The following CAPSL variants were observed in gnomAD, a reference collection of about 807,000 sequenced individuals.
The protein encoded by CAPSL is calcyphosine like, also known as calcyphosin-like protein.
CAPSL carries 17 observed loss-of-function variants against 21.3 expected under a neutral mutation model. The observed-to-expected ratio is 0.80, with a 90% CI of 0.55 to 1.20. The LOEUF (loss-of-function observed/expected upper bound fraction) is 1.20, where lower values mean the gene tolerates loss of function less well. Ranked by LOEUF, CAPSL falls within the 50% of genes most tolerant of loss-of-function variation. The pLI, the probability that CAPSL is intolerant of heterozygous loss-of-function variation, is 0.00. For missense variants in CAPSL, 289 were observed against 259.3 expected (o/e 1.11, Z -0.79); for synonymous variants, 102 against 89.3 (o/e 1.14, Z -0.80).
At chr5:35,905,918 T>A (rs1177425562) in intron 4 of CAPSL, among the ~76,000 whole-genome samples, 1 of 152,192 alleles carries the variant, frequency 6.6e-6, no homozygotes, top group African/African-American at 2.4e-5. Flanking sequence ...GGAATTTACT[T>A]CTTAAAAATC....
At chr5:35,926,745 G>C (rs1025450100) in intron 1 of CAPSL, among the ~76,000 whole-genome samples, 2 of 152,146 alleles carry the variant, frequency 1.3e-5, no homozygotes, top group African/African-American at 4.8e-5. Context: ...TTGCTAAAGA[G>C]GCAACCCTAG....
chr5:35,936,637 C>T (rs1208472731), intron 1 of CAPSL, among the ~76,000 whole-genome samples: 1 of 152,150 alleles, frequency 6.6e-6, no homozygotes, highest in African/African-American at 2.4e-5. Context: ...CCCTTTCTCT[C>T]AATGGCTATA....
At chr5:35,910,169 T>C (rs946057717) in intron 3 of CAPSL, 94 bp from the exon 4 acceptor site, 18 of 1,181,362 alleles carry the variant, frequency 1.5e-5, no homozygotes, top group Admixed American at 2.5e-5. Flanking sequence ...CCCTCAACGA[T>C]GTGAAATAAT....
intron 1 of CAPSL, among the ~76,000 whole-genome samples, chr5:35,929,899 A>G (rs1401204387): frequency 1.3e-5 from 2 of 152,126 alleles, no homozygotes; most frequent in Non-Finnish European, 2.9e-5. Flanking sequence ...GAAAAATTTT[A>G]CTTAGCCTCT....
At chr5:35,920,631 T>A (rs1450147018) in intron 2 of CAPSL, among the ~76,000 whole-genome samples, 2 of 152,300 alleles carry the variant, frequency 1.3e-5, no homozygotes, top group Middle Eastern at 3.4e-3. Context: ...TGGCTGTTCC[T>A]TCCTCCCTCT....
chr5:35,937,837 C>CA (rs11369328), intron 1 of CAPSL, among the ~76,000 whole-genome samples: 110,100 of 146,472 alleles, frequency 0.75, 41,537 homozygotes, highest in African/African-American at 0.82. Context: ...AAAAATAAGT[C>CA]AAAAAAAAAA....
At chr5:35,911,808 G>A (rs1326944055) in intron 2 of CAPSL, among the ~76,000 whole-genome samples, 2 of 152,204 alleles carry the variant, frequency 1.3e-5, no homozygotes, top group African/African-American at 2.4e-5. Flanking sequence ...CGATGCAGAA[G>A]ACAGGTGATT....
intron 2 of CAPSL, among the ~76,000 whole-genome samples, chr5:35,916,281 A>G (rs1308762377): frequency 6.6e-6 from 1 of 152,070 alleles, no homozygotes; most frequent in Non-Finnish European, 1.5e-5. Flanking sequence ...GAAAATGGCC[A>G]TACTGCCCAA....
chr5:35,917,475 AACAATGATAG>A (rs1164905693), intron 2 of CAPSL, among the ~76,000 whole-genome samples: 2 of 152,236 alleles, frequency 1.3e-5, no homozygotes, highest in Non-Finnish European at 2.9e-5. Flanking sequence ...CCAAATGTCC[AACAATGATAG>A]ACTGGATTAA....
Position 35,933,462 on chromosome 5 carries a change from A to C in CAPSL, c.-1+5079T>G, listed in dbSNP as rs1301351922. 2.6e-5 allele frequency among the ~76,000 whole-genome samples: 4 copies of C among 152,318 alleles called. No homozygotes were observed. In the South Asian group the frequency reaches 8.3e-4, roughly 32 times the overall value. The stretch of plus-strand genomic sequence containing the variant: ...GGCCTGTTGCATCTGCCAGTCCCCC[A>C]GCAGCCTTTTGTAAATTATCCACAA... On this transcript the variant is annotated intron_variant, in intron 1 of 4. Transcript: ENST00000651391.
At chr5:35,921,705 T>C (rs999137597) in intron 1 of CAPSL, among the ~76,000 whole-genome samples, 1 of 152,154 alleles carries the variant, frequency 6.6e-6, no homozygotes, top group Non-Finnish European at 1.5e-5. Context: ...ACGTACAAAC[T>C]CTTGTAGCCA....
At position 35,910,372 on chromosome 5, in the gene CAPSL, T is replaced by A. The variant is rs757552496; in HGVS notation, c.309A>T (p.Thr103=). Reference sequence around the variant, plus strand: ...GATTAATGGGGCCACTTACTCTTAATGTGAGAAGAAATTCATTGAAGTCTA... The same window carrying A: ...GATTAATGGGGCCACTTACTCTTAAAGTGAGAAGAAATTCATTGAAGTCTA... ...GTIDFNEFLL[T]LRPPMSRARK... is the part of the protein sequence containing the mutation. The change falls in exon 3 of 5, where the codon ACA becomes ACT. Residue 103 remains threonine (T), a synonymous_variant. Coordinates refer to ENST00000651391, the MANE Select transcript of CAPSL (RefSeq NM_001042625.2). The A allele has an allele frequency of 6.2e-7, 1 of 1,613,234 alleles. No individual in the cohort carries two copies. The highest frequency in any genetic ancestry group is 2.2e-5 in the East Asian group (1 of 44,882).
intron 1 of CAPSL, among the ~76,000 whole-genome samples, chr5:35,932,279 C>T (rs1425021309): frequency 6.6e-6 from 1 of 152,134 alleles, no homozygotes; most frequent in African/African-American, 2.4e-5. Context: ...TTACTTTACT[C>T]TCATGTAAAA....
At chr5:35,924,244 T>C (rs1051250726) in intron 1 of CAPSL, among the ~76,000 whole-genome samples, 5 of 152,220 alleles carry the variant, frequency 3.3e-5, no homozygotes, top group African/African-American at 9.6e-5. Flanking sequence ...GATTCTCTAG[T>C]GCAACCTCAT....
rs1398346174 is a variant in CAPSL at position 35,904,551 on chromosome 5, C to T, written c.621G>A (p.Lys207=). The change falls in exon 5 of 5, where the codon AAG becomes AAA. Residue 207 remains lysine (K), a synonymous_variant. Coordinates refer to ENST00000651391, the MANE Select transcript of CAPSL (RefSeq NM_001042625.2). ...YFIIMMRTAW[K]L The stretch of plus-strand genomic sequence containing the variant: ...TGGTCCCCAGGTCATGTGCTTAAAG[C>T]TTCCAGGCGGTTCTCATCATGATGA... 2 of 1,613,298 alleles carry T rather than the reference C, an allele frequency of 1.2e-6. No individual in the cohort carries two copies. Among genetic ancestry groups the T allele is most frequent in the South Asian group, 1.1e-5 (1 of 91,008 alleles).
chr5:35,905,703 C>T (rs1215567045), intron 4 of CAPSL, among the ~76,000 whole-genome samples: 1 of 152,160 alleles, frequency 6.6e-6, no homozygotes, highest in Non-Finnish European at 1.5e-5. Flanking sequence ...TTTTCAATTC[C>T]CTCATTAAGG....
chr5:35,926,641 T>C (rs183125514), intron 1 of CAPSL, among the ~76,000 whole-genome samples: 206 of 152,278 alleles, frequency 1.4e-3, no homozygotes, highest in Non-Finnish European at 2.2e-3. Flanking sequence ...TCTTTGGTGC[T>C]CCCTGGTGGC....
intron 1 of CAPSL, among the ~76,000 whole-genome samples, chr5:35,926,459 C>A (rs1358970857): frequency 1.5e-5 from 2 of 130,932 alleles, no homozygotes; most frequent in African/African-American, 6.6e-5. Context: ...CCAACTGCCA[C>A]GCCAAACTCT....
intron 4 of CAPSL, among the ~76,000 whole-genome samples, chr5:35,907,911 C>T (rs1283178806): frequency 2.0e-5 from 3 of 152,162 alleles, no homozygotes; most frequent in Non-Finnish European, 2.9e-5. Context: ...AGTTCCTCTA[C>T]AACAACAATT....
Sources: allele counts gnomAD v4.1 joint callset (sites outside exome capture counted in the v4.1 genomes callset), GRCh38; gene constraint gnomAD v4.1.1; transcripts MANE v1.5; gene names NCBI Gene and HGNC (gene_info 2026-07-23, HGNC 2026-07-21).